LHFPL2: variants seen among roughly 807,000 people sequenced by gnomAD.
LHFPL2 encodes the protein LHFPL tetraspan subfamily member 2.
Under a neutral mutation model 17.5 loss-of-function variants are expected in LHFPL2, and 7 were observed. The ratio of observed to expected loss-of-function variants is 0.40; its 90% CI spans 0.23 to 0.75. LHFPL2 has a LOEUF of 0.75. Ranked by LOEUF, LHFPL2 falls within the 30% of genes least tolerant of loss-of-function variation. The probability of loss-of-function intolerance (pLI) is 0.37; values close to 1 mark genes in which losing one functional copy is unlikely to be tolerated. For missense variants in LHFPL2, 241 were observed against 294.8 expected, an observed-to-expected ratio of 0.82 and a Z score of 1.34; for synonymous variants, 134 against 116.2, an observed-to-expected ratio of 1.15 and a Z score of -0.99.
chr5:78,603,033 G>T (rs1467968642), intron 2 of LHFPL2, among the ~76,000 whole-genome samples: 2 of 152,140 alleles, frequency 1.3e-5, no homozygotes, highest in Non-Finnish European at 2.9e-5. Context: ...TGGGACTACA[G>T]GCGCGTGCCA....
At position 78,510,261 on chromosome 5, in the gene LHFPL2, A is replaced by G; in HGVS notation, c.-48T>C. The G allele has an allele frequency of 6.6e-7, 1 of 1,506,766 alleles. No individual in the cohort carries two copies. The highest frequency in any genetic ancestry group is 8.9e-7 in the Non-Finnish European group (1 of 1,124,346). The allele number at this position is 1,506,766 out of a possible 1,614,324, so 93.3% of individuals were successfully genotyped here. ...GAGTCAGGAGTCCACGGAGTTAATC[A>G]AAACAAGAAAGTCGGTGGGGAAGGA... On this transcript the variant is annotated 5_prime_UTR_variant, in exon 4 of 5. Coordinates refer to ENST00000380345, the MANE Select transcript of LHFPL2 (RefSeq NM_005779.3).
At chr5:78,644,929 TGC>T (rs1224757700) in intron 1 of LHFPL2, 5 of 154,670 alleles carry the variant, frequency 3.2e-5, no homozygotes, top group African/African-American at 7.2e-5. Context: ...GTCTCTATGG[TGC>T]TCAGTACACT....
intron 3 of LHFPL2, among the ~76,000 whole-genome samples, chr5:78,514,610 G>C (rs1396810339): frequency 6.6e-6 from 1 of 152,168 alleles, no homozygotes; most frequent in Non-Finnish European, 1.5e-5. Context: ...TGTGAAGCCA[G>C]AACCACCCAG....
chr5:78,498,269 G>A (rs1339318082), intron 4 of LHFPL2, among the ~76,000 whole-genome samples: 3 of 152,160 alleles, frequency 2.0e-5, no homozygotes, highest in South Asian at 2.1e-4. Context: ...TCTCAGGGTG[G>A]GGGTGTGTTT....
intron 2 of LHFPL2, among the ~76,000 whole-genome samples, chr5:78,617,983 A>G (rs2112495010): frequency 6.6e-6 from 1 of 152,210 alleles, no homozygotes; most frequent in East Asian, 1.9e-4. Flanking sequence ...CAGGTGGATC[A>G]TTTGAGTTCG....
chr5:78,555,029 A>G (rs1326339238), intron 3 of LHFPL2, among the ~76,000 whole-genome samples: 2 of 152,210 alleles, frequency 1.3e-5, no homozygotes, highest in Non-Finnish European at 2.9e-5. Flanking sequence ...AAATATTTGT[A>G]TTTCTTGCCT....
chr5:78,582,000 C>T (rs1474445406), intron 2 of LHFPL2, among the ~76,000 whole-genome samples: 1 of 152,152 alleles, frequency 6.6e-6, no homozygotes, highest in African/African-American at 2.4e-5. Flanking sequence ...GATTCAACTT[C>T]TTCATGGTTT....
intron 2 of LHFPL2, among the ~76,000 whole-genome samples, chr5:78,586,146 A>G (rs1030145552): frequency 6.6e-6 from 1 of 152,226 alleles, no homozygotes; most frequent in East Asian, 1.9e-4. Flanking sequence ...AGCAGAGCCC[A>G]GCTCCCATGG....
chr5:78,509,724 C>A, intron 4 of LHFPL2, 60 bp downstream of exon 4: 2 of 1,527,638 alleles, frequency 1.3e-6, no homozygotes, highest in Non-Finnish European at 1.8e-6. Flanking sequence ...TACCAGAGTG[C>A]GCTGCACCGG....
chr5:78,494,276 T>TG (rs889147775), intron 4 of LHFPL2: 14 of 737,012 alleles, frequency 1.9e-5, no homozygotes, highest in African/African-American at 1.3e-4. Context: ...GAAGAAGAAA[T>TG]GGGGGGGAGA....
At chr5:78,545,830 G>A (rs1397304707) in intron 3 of LHFPL2, among the ~76,000 whole-genome samples, 1 of 152,184 alleles carries the variant, frequency 6.6e-6, no homozygotes, top group Admixed American at 6.5e-5. Flanking sequence ...CCAGAATAAA[G>A]AATAAGACAC....
chr5:78,574,712 T>C (rs1163092017), intron 2 of LHFPL2, among the ~76,000 whole-genome samples: 1 of 152,270 alleles, frequency 6.6e-6, no homozygotes, highest in Non-Finnish European at 1.5e-5. Context: ...AAGATTTTTC[T>C]GTGCTAACAG....
At chr5:78,543,144 T>C (rs927474748) in intron 3 of LHFPL2, among the ~76,000 whole-genome samples, 14 of 152,224 alleles carry the variant, frequency 9.2e-5, no homozygotes, top group African/African-American at 3.4e-4. Flanking sequence ...TTGCACCCTA[T>C]GCAAATGGCA....
intron 2 of LHFPL2, among the ~76,000 whole-genome samples, chr5:78,608,675 G>A (rs575339508): frequency 2.6e-5 from 4 of 152,080 alleles, no homozygotes; most frequent in Admixed American, 2.6e-4. Context: ...GCTCACGCCT[G>A]TAATCCCAGC....
intron 2 of LHFPL2, among the ~76,000 whole-genome samples, chr5:78,588,276 T>C (rs1051218017): frequency 6.6e-6 from 1 of 152,224 alleles, no homozygotes; most frequent in Non-Finnish European, 1.5e-5. Flanking sequence ...GATCAAGTGA[T>C]CTTCCTGCCT....
At chr5:78,638,826 TC>T (rs1745559914) in intron 1 of LHFPL2, among the ~76,000 whole-genome samples, 1 of 152,120 alleles carries the variant, frequency 6.6e-6, no homozygotes, top group African/African-American at 2.4e-5. Context: ...TTCAAAACTA[TC>T]TGGACAGGCC....
At chr5:78,581,953 T>C (rs1038229354) in intron 2 of LHFPL2, among the ~76,000 whole-genome samples, 2 of 152,236 alleles carry the variant, frequency 1.3e-5, no homozygotes, top group Admixed American at 1.3e-4. Flanking sequence ...TATTGATTAT[T>C]GCCACAATTT....
chr5:78,525,109 C>T (rs184540797), intron 3 of LHFPL2, among the ~76,000 whole-genome samples: 182 of 152,302 alleles, frequency 1.2e-3, no homozygotes, highest in African/African-American at 4.3e-3. Context: ...GCCAGTAGCG[C>T]GCTCTCAGTC....
intron 2 of LHFPL2, chr5:78,589,970 T>A (rs1743570710): frequency 6.6e-6 from 1 of 152,242 alleles, no homozygotes; most frequent in Admixed American, 6.5e-5. Flanking sequence ...CATCTCAGAA[T>A]ATGACCTGTG....
Sources: allele counts gnomAD v4.1 joint callset (sites outside exome capture counted in the v4.1 genomes callset), GRCh38; gene constraint gnomAD v4.1.1; transcripts MANE v1.5; gene names NCBI Gene and HGNC (gene_info 2026-07-23, HGNC 2026-07-21).